Variants in PPM1H observed in about 807,000 individuals in gnomAD.
PPM1H encodes the protein protein phosphatase 1H.
A neutral mutation model predicts 54.9 loss-of-function variants in PPM1H; 27 were observed. The ratio of observed to expected loss-of-function variants is 0.49; its 90% CI spans 0.36 to 0.68. The LOEUF is 0.68. Ranked by LOEUF, PPM1H falls within the 30% of genes least tolerant of loss-of-function variation. PPM1H has a pLI of 0.00. For missense variants in PPM1H, 596 were observed against 667.8 expected (o/e 0.89, Z 1.19); for synonymous variants, 305 against 270.8 (o/e 1.13, Z -1.24).
At chr12:62,918,187 G>A (rs3842944) in intron 1 of PPM1H, among the ~76,000 whole-genome samples, 37,737 of 152,068 alleles carry the variant, frequency 0.25, 5,151 homozygotes, top group Non-Finnish European at 0.31. Context: ...GACTGGCTAG[G>A]GAAAGAGCCA....
At chr12:62,890,835 C>A (rs919564239) in intron 1 of PPM1H, among the ~76,000 whole-genome samples, 1 of 151,632 alleles carries the variant, frequency 6.6e-6, no homozygotes, top group African/African-American at 2.4e-5. Context: ...GAAGGCCAGG[C>A]GTGGTGACTC....
At chr12:62,713,788 G>C (rs564946031) in intron 6 of PPM1H, among the ~76,000 whole-genome samples, 3 of 152,118 alleles carry the variant, frequency 2.0e-5, no homozygotes, top group East Asian at 1.9e-4. Flanking sequence ...AGGCAACATG[G>C]CAAAACCCTG....
intron 7 of PPM1H, among the ~76,000 whole-genome samples, chr12:62,690,696 G>T (rs149832806): frequency 6.8e-4 from 103 of 152,342 alleles, no homozygotes; most frequent in Admixed American, 1.6e-3. Flanking sequence ...TTGGGGCCAC[G>T]TGCGGTGGCT....
chr12:62,654,962 C>A, intron 9 of PPM1H, among the ~76,000 whole-genome samples: 1 of 152,134 alleles, frequency 6.6e-6, no homozygotes, highest in Non-Finnish European at 1.5e-5. Flanking sequence ...TTCTCTCCGC[C>A]GGCTTCTCCA....
At chr12:62,926,822 C>T (rs1004159114) in intron 1 of PPM1H, among the ~76,000 whole-genome samples, 9 of 151,976 alleles carry the variant, frequency 5.9e-5, no homozygotes, top group East Asian at 3.9e-4. Context: ...GGCATGGTGG[C>T]GCATGCCTGT....
chr12:62,767,434 G>A (rs907086364), intron 4 of PPM1H, among the ~76,000 whole-genome samples: 1 of 152,128 alleles, frequency 6.6e-6, no homozygotes, highest in Non-Finnish European at 1.5e-5. Flanking sequence ...TCTGTAAGTG[G>A]GTGTTTTTGA....
At chr12:62,757,048 A>AC (rs943541643) in intron 4 of PPM1H, among the ~76,000 whole-genome samples, 2 of 152,020 alleles carry the variant, frequency 1.3e-5, no homozygotes, top group African/African-American at 4.8e-5. Context: ...AGAAAATGGC[A>AC]CCCCCAATGA....
chr12:62,699,029 T>C (rs1401725287), intron 6 of PPM1H, among the ~76,000 whole-genome samples: 5 of 152,054 alleles, frequency 3.3e-5, no homozygotes, highest in Non-Finnish European at 1.5e-5. Flanking sequence ...ACTGAAAAAA[T>C]TGCTAAGTGG....
At chr12:62,816,489 G>A (rs1262471894) in intron 2 of PPM1H, among the ~76,000 whole-genome samples, 1 of 152,200 alleles carries the variant, frequency 6.6e-6, no homozygotes, top group Non-Finnish European at 1.5e-5. Flanking sequence ...CAGACTATGT[G>A]TGTAAGCTGC....
intron 3 of PPM1H, among the ~76,000 whole-genome samples, chr12:62,793,627 G>C (rs2076712901): frequency 6.6e-6 from 1 of 151,748 alleles, no homozygotes; most frequent in Admixed American, 6.6e-5. Flanking sequence ...GGGAGGTTGA[G>C]GCAGGAGAAT....
intron 1 of PPM1H, among the ~76,000 whole-genome samples, chr12:62,845,320 A>C (rs1331931500): frequency 6.6e-6 from 1 of 152,234 alleles, no homozygotes; most frequent in African/African-American, 2.4e-5. Context: ...GGATCTCTGC[A>C]TGGAATGGGA....
At chr12:62,902,403 G>A (rs187440967) in intron 1 of PPM1H, among the ~76,000 whole-genome samples, 11 of 151,714 alleles carry the variant, frequency 7.3e-5, no homozygotes, top group Non-Finnish European at 1.6e-4. Flanking sequence ...AAAAATAAAA[G>A]CTTTTTAAAA....
intron 1 of PPM1H, among the ~76,000 whole-genome samples, chr12:62,890,374 C>G (rs73318245): frequency 2.0e-5 from 3 of 152,104 alleles, no homozygotes; most frequent in African/African-American, 7.2e-5. Context: ...GGGAGGAACG[C>G]TTGAGCCTGG....
At chr12:62,714,675 G>A (rs1389650630) in intron 6 of PPM1H, among the ~76,000 whole-genome samples, 1 of 152,084 alleles carries the variant, frequency 6.6e-6, no homozygotes, top group Non-Finnish European at 1.5e-5. Flanking sequence ...AAGTACACAA[G>A]GTGCCTATCG....
At chr12:62,714,876 C>A (rs2076226871) in intron 6 of PPM1H, among the ~76,000 whole-genome samples, 1 of 152,152 alleles carries the variant, frequency 6.6e-6, no homozygotes, top group South Asian at 2.1e-4. Flanking sequence ...TTCTTTGGCC[C>A]TTGCTCTCTC....
chr12:62,761,050 G>T (rs1182753786), intron 4 of PPM1H, among the ~76,000 whole-genome samples: 1 of 152,152 alleles, frequency 6.6e-6, no homozygotes, highest in Non-Finnish European at 1.5e-5. Context: ...GAAAGGAGAA[G>T]GAATTCTGTT....
chr12:62,847,006 A>T (rs1246806016), intron 1 of PPM1H, among the ~76,000 whole-genome samples: 1 of 152,190 alleles, frequency 6.6e-6, no homozygotes, highest in Non-Finnish European at 1.5e-5. Flanking sequence ...TCTCCTAGAC[A>T]TCATCTTTCC....
rs9630304 is a variant in PPM1H at position 62,746,274 on chromosome 12, T to C, written c.870-8688A>G. ...GCCTGAGCATTCTGTAACAGTCTGA[T>C]ACATATATTTCACTAGGCACCCAAG... On this transcript the variant is annotated intron_variant, in intron 4 of 9. Transcript: ENST00000228705. Among the ~76,000 whole-genome samples, 1,070 of 152,232 alleles carry C rather than the reference T, an allele frequency of 7.0e-3. 9 individuals are homozygous for C. The highest frequency in any genetic ancestry group is 0.025 in the African/African-American group (1,023 of 41,518).
chr12:62,662,735 G>GT (rs887497439), intron 9 of PPM1H, among the ~76,000 whole-genome samples: 3 of 152,104 alleles, frequency 2.0e-5, no homozygotes, highest in Admixed American at 2.0e-4. Context: ...ACCATTTATA[G>GT]TTTAAAAATA....
Sources: allele counts gnomAD v4.1 joint callset (sites outside exome capture counted in the v4.1 genomes callset), GRCh38; gene constraint gnomAD v4.1.1; transcripts MANE v1.5; gene names NCBI Gene and HGNC (gene_info 2026-07-23, HGNC 2026-07-21).